Variants in PPP2R2C observed in about 807,000 individuals in gnomAD.
PPP2R2C encodes protein phosphatase 2, regulatory subunit B, gamma.
In PPP2R2C, 10 loss-of-function variants were observed where a neutral mutation model predicts 45.3. The observed-to-expected ratio is 0.22, with a 90% CI of 0.14 to 0.37. PPP2R2C has a LOEUF of 0.37. Ranked by LOEUF, PPP2R2C falls within the 10% of genes least tolerant of loss-of-function variation. The pLI is 1.00. For synonymous variants in PPP2R2C, 257 were observed against 245.4 expected (o/e 1.05, Z -0.44); for missense variants, 308 against 619.7 (o/e 0.50, Z 5.34).
chr4:6,379,059 G>A (rs1029176375), intron 2 of PPP2R2C, among the ~76,000 whole-genome samples: 7 of 152,024 alleles, frequency 4.6e-5, no homozygotes. Flanking sequence ...CTCGTGTCTT[G>A]GGCCCTGACT....
Position 6,408,612 on chromosome 4 carries a change from A to G in PPP2R2C, c.71-27518T>C, listed in dbSNP as rs77448992. Among the ~76,000 whole-genome samples the G allele has an allele frequency of 4.2e-3, 646 of 152,322 alleles. 5 individuals are homozygous for G. Among genetic ancestry groups the G allele is most frequent in the African/African-American group, 0.015 (615 of 41,566 alleles). On this transcript the variant is annotated intron_variant, in intron 1 of 8. Transcript: ENST00000382599. ...GCGAGTGATTTCAGACCTCAGATGCAGGGCAATTACAGTGGGCTTGATTAG... is the reference window on the plus strand; with the variant it reads ...GCGAGTGATTTCAGACCTCAGATGCGGGGCAATTACAGTGGGCTTGATTAG...
At chr4:6,562,921 G>A (rs1402284233) in intron 1 of PPP2R2C, among the ~76,000 whole-genome samples, 1 of 151,192 alleles carries the variant, frequency 6.6e-6, no homozygotes, top group African/African-American at 2.4e-5. Context: ...AACGCTCTTC[G>A]GGCTCTGGGC....
At chr4:6,355,648 C>G (rs1169643940) in intron 5 of PPP2R2C, among the ~76,000 whole-genome samples, 1 of 151,678 alleles carries the variant, frequency 6.6e-6, no homozygotes, top group Non-Finnish European at 1.5e-5. Flanking sequence ...TCAAAGGAGC[C>G]GTCCCCCTGC....
intron 2 of PPP2R2C, among the ~76,000 whole-genome samples, chr4:6,379,361 G>C (rs769481279): frequency 5.3e-5 from 8 of 152,158 alleles, no homozygotes; most frequent in Non-Finnish European, 8.8e-5. Context: ...CCCAACCAGG[G>C]AGAAACGGAG....
intron 1 of PPP2R2C, among the ~76,000 whole-genome samples, chr4:6,560,317 C>T (rs570871624): frequency 9.2e-5 from 14 of 152,322 alleles, no homozygotes; most frequent in Non-Finnish European, 1.5e-4. Context: ...AAGCCAGGGG[C>T]GTTTCCATAC....
At chr4:6,413,816 G>T in intron 1 of PPP2R2C, 2 of 1,486,610 alleles carry the variant, frequency 1.3e-6, no homozygotes, top group African/African-American at 1.4e-5. Context: ...GCTAGCAGAG[G>T]ACTGTGCCGG....
chr4:6,535,193 G>A (rs1724565634), intron 2 of PPP2R2C: 2 of 1,453,982 alleles, frequency 1.4e-6, no homozygotes, highest in Non-Finnish European at 1.9e-6. Flanking sequence ...CTGGCGCTGT[G>A]TCGGGCGCCT....
intron 1 of PPP2R2C, among the ~76,000 whole-genome samples, chr4:6,453,325 A>G (rs1720840290): frequency 6.6e-6 from 1 of 152,204 alleles, no homozygotes; most frequent in Non-Finnish European, 1.5e-5. Context: ...CAGCAGGGAC[A>G]GTATGGGAGA....
chr4:6,533,664 A>G (rs1724482497), intron 2 of PPP2R2C, among the ~76,000 whole-genome samples: 1 of 152,206 alleles, frequency 6.6e-6, no homozygotes, highest in Admixed American at 6.5e-5. Context: ...TGCAGACTTT[A>G]AGACTCTCTG....
chr4:6,369,142 C>T (rs1714589811), intron 5 of PPP2R2C, among the ~76,000 whole-genome samples: 1 of 152,192 alleles, frequency 6.6e-6, no homozygotes, highest in South Asian at 2.1e-4. Flanking sequence ...GTTCAGTAGC[C>T]ACTGGCCACA....
At chr4:6,505,677 A>G (rs749831884) in intron 2 of PPP2R2C, among the ~76,000 whole-genome samples, 1 of 152,368 alleles carries the variant, frequency 6.6e-6, no homozygotes, top group South Asian at 2.1e-4. Flanking sequence ...TATAAATCCA[A>G]GAATAAGGCC....
chr4:6,350,421 C>T (rs1712435520), intron 5 of PPP2R2C: 4 of 985,296 alleles, frequency 4.1e-6, no homozygotes, highest in Non-Finnish European at 2.4e-6. Context: ...AGTAGAGAGG[C>T]AGGGCAGAGA....
chr4:6,352,422 A>G (rs1577095602), intron 5 of PPP2R2C, among the ~76,000 whole-genome samples: 1 of 152,316 alleles, frequency 6.6e-6, no homozygotes, highest in East Asian at 1.9e-4. Context: ...CACAAGGTTC[A>G]TTTCAGGACT....
intron 1 of PPP2R2C, among the ~76,000 whole-genome samples, chr4:6,407,696 G>C (rs757668672): frequency 6.6e-6 from 1 of 152,074 alleles, no homozygotes; most frequent in Admixed American, 6.6e-5. Context: ...CACTGAGCCC[G>C]GCCAAGAAAC....
intron 6 of PPP2R2C, among the ~76,000 whole-genome samples, chr4:6,344,218 G>A (rs763991434): frequency 6.6e-6 from 1 of 152,234 alleles, no homozygotes; most frequent in Non-Finnish European, 1.5e-5. Flanking sequence ...GGAGAGGAGT[G>A]GAATCTGCCG....
chr4:6,545,693 C>T (rs890023481), intron 1 of PPP2R2C, among the ~76,000 whole-genome samples: 1 of 152,190 alleles, frequency 6.6e-6, no homozygotes, highest in African/African-American at 2.4e-5. Context: ...TTCTAAGAAT[C>T]CCCAATTCCC....
intron 1 of PPP2R2C, among the ~76,000 whole-genome samples, chr4:6,456,691 C>A (rs571380921): frequency 6.6e-6 from 1 of 152,294 alleles, no homozygotes; most frequent in South Asian, 2.1e-4. Context: ...GGGTGCCCCT[C>A]ACGGTGAACC....
intron 2 of PPP2R2C, among the ~76,000 whole-genome samples, chr4:6,494,953 T>C (rs1560584518): frequency 6.6e-6 from 1 of 152,190 alleles, no homozygotes; most frequent in Non-Finnish European, 1.5e-5. Flanking sequence ...GAACATACTG[T>C]TGGGAGGACT....
chr4:6,416,084 A>C (rs1458156707), intron 1 of PPP2R2C, among the ~76,000 whole-genome samples: 1 of 130,056 alleles, frequency 7.7e-6, no homozygotes, highest in African/African-American at 2.8e-5. Context: ...TCTCATGAGC[A>C]ATTTAAACAC....
Sources: allele counts gnomAD v4.1 joint callset (sites outside exome capture counted in the v4.1 genomes callset), GRCh38; gene constraint gnomAD v4.1.1; transcripts MANE v1.5; gene names NCBI Gene and HGNC (gene_info 2026-07-23, HGNC 2026-07-21).